Variants in CHAMP1 observed in about 807,000 individuals in gnomAD.
CHAMP1 encodes the protein chromosome alignment-maintaining phosphoprotein 1.
Under a neutral mutation model 54.5 loss-of-function variants are expected in CHAMP1, and 4 were observed. That is an observed-to-expected ratio of 0.07 (90% confidence interval 0.04 to 0.17). The LOEUF is 0.17. Ranked by LOEUF, CHAMP1 falls within the 10% of genes least tolerant of loss-of-function variation. The probability of loss-of-function intolerance (pLI) is 1.00; values close to 1 mark genes in which losing one functional copy is unlikely to be tolerated. For synonymous variants in CHAMP1, 368 were observed against 342.2 expected (o/e 1.08, Z -0.83); for missense variants, 994 against 968.6 (o/e 1.03, Z -0.35).
chr13:114,318,294 A>C (rs971547577), intron 1 of CHAMP1, among the ~76,000 whole-genome samples: 1 of 150,584 alleles, frequency 6.6e-6, no homozygotes, highest in African/African-American at 2.4e-5. Context: ...AGATCCTTCT[A>C]GTCCTATGCT....
At position 114,326,017 on chromosome 13, in the gene CHAMP1, G is replaced by A. The variant is rs915085355; in HGVS notation, c.2175G>A (p.Leu725=). ...GTGCTATGAAAAAAGGTGCTGTTTT[G>A]CATCATTTGGTTAATAAGCATAATG... is the stretch of plus-strand genomic sequence containing the variant. ...CCRAMKKGAV[L]HHLVNKHNVH... The change falls in exon 3 of 3, where the codon TTG becomes TTA. Residue 725 remains leucine (L), a synonymous_variant. Transcript: ENST00000361283. 1 of 1,614,082 alleles carries A rather than the reference G, an allele frequency of 6.2e-7. No homozygotes were observed. Among genetic ancestry groups the A allele is most frequent in the Non-Finnish European group, 8.5e-7 (1 of 1,180,024 alleles).
chr13:114,325,424 C>G lies in CHAMP1; in HGVS notation c.1582C>G (p.Pro528Ala). Residue 528 changes from proline to alanine, a missense_variant, in exon 3 of 3, where the codon CCT (proline) becomes GCT (alanine). Pro to Ala is a conservative substitution (Grantham distance 27, BLOSUM62 -1). This residue lies in a region of CHAMP1 where 851 missense variants were observed against 701.3 expected (regional missense o/e 1.21). Coordinates refer to ENST00000361283, the MANE Select transcript of CHAMP1 (RefSeq NM_032436.4). ...VLSIDTEPRK[P>A]ALFPEPAKTA... ...CTCTATCGATACTGAGCCTAGAAAA[C>G]CTGCCCTGTTTCCCGAGCCTGCCAA... The G allele has an allele frequency of 1.2e-6, 2 of 1,614,094 alleles. No individual in the cohort carries two copies. The highest frequency in any genetic ancestry group is 1.7e-6 in the Non-Finnish European group (2 of 1,180,022).
Position 114,325,795 on chromosome 13 carries a change from A to C in CHAMP1, c.1953A>C (p.Ser651=). 6.2e-7 allele frequency: 1 copy of C among 1,614,226 alleles called. No individual in the cohort carries two copies. The highest frequency in any genetic ancestry group is 1.3e-5 in the African/African-American group (1 of 75,062). Residue 651 remains serine (S), a synonymous_variant, in exon 3 of 3, where the codon TCA becomes TCC. Coordinates refer to ENST00000361283, the MANE Select transcript of CHAMP1 (RefSeq NM_032436.4). Reference sequence around the variant, plus strand: ...CGATGGATATTAAGGGCCAGGAATCAAGCAGTGATCAAGAGCAGGTTGATG... The same window carrying C: ...CGATGGATATTAAGGGCCAGGAATCCAGCAGTGATCAAGAGCAGGTTGATG... ...LDAMDIKGQE[S]SSDQEQVDVE...
rs782462629 is a variant in CHAMP1 at position 114,325,830 on chromosome 13, T to G, written c.1988T>G (p.Ile663Ser). 1 of 1,614,174 alleles carries G rather than the reference T, an allele frequency of 6.2e-7. No individual in the cohort carries two copies. The highest frequency in any genetic ancestry group is 2.2e-5 in the East Asian group (1 of 44,878). ...CAAGAGCAGGTTGATGTGGAATCCA[T>G]TGATTTTAGCAAAGAGAACAAAATG... ...SDQEQVDVES[I>S]DFSKENKMDM... Residue 663 changes from isoleucine to serine, a missense_variant, in exon 3 of 3, where the codon ATT (isoleucine) becomes AGT (serine). This residue lies in a region of CHAMP1 where 851 missense variants were observed against 701.3 expected (regional missense o/e 1.21). Transcript: ENST00000361283.
In CHAMP1 at chr13:114,324,431, C is replaced by G. The variant is rs1479801393; in HGVS notation, c.589C>G (p.Gln197Glu). ...PPKSVPVCESQKLAPVPSPEP... is the reference protein window; with the variant it reads ...PPKSVPVCESEKLAPVPSPEP... ...AAAATCAGTCCCTGTTTGTGAGTCT[C>G]AGAAACTTGCCCCTGTTCCTTCTCC... The change falls in exon 3 of 3, where the codon CAG becomes GAG. Residue 197 changes from glutamine to glutamate, a missense_variant. By Grantham distance (29) the Gln-to-Glu change is conservative (BLOSUM62 2). Coordinates refer to ENST00000361283, the MANE Select transcript of CHAMP1 (RefSeq NM_032436.4). The G allele has an allele frequency of 6.2e-7, 1 of 1,614,172 alleles. No individual in the cohort carries two copies. Among genetic ancestry groups the G allele is most frequent in the Non-Finnish European group, 8.5e-7 (1 of 1,180,034 alleles).
At chr13:114,316,470 G>A (rs556257505) in intron 1 of CHAMP1, among the ~76,000 whole-genome samples, 57 of 151,628 alleles carry the variant, frequency 3.8e-4, no homozygotes, top group Non-Finnish European at 5.9e-4. Context: ...CGCGCCTGTA[G>A]TCCCAGCTAC....
In CHAMP1 at chr13:114,325,146, G is replaced by T. The variant is rs374334158; in HGVS notation, c.1304G>T (p.Gly435Val). The change falls in exon 3 of 3, where the codon GGA (glycine) becomes GTA (valine). Residue 435 changes from glycine (G) to valine (V), a missense_variant. Physicochemically the swap from Gly to Val is moderately radical, Grantham distance 109. This residue lies in a region of CHAMP1 where 851 missense variants were observed against 701.3 expected (regional missense o/e 1.21). Coordinates refer to ENST00000361283, the MANE Select transcript of CHAMP1 (RefSeq NM_032436.4). ...TCCCCAGAGATCCGTAGTCCAGCAGGATCTCCAGAGCTCAGAAAACCCTCA... is the reference window on the plus strand; with the variant it reads ...TCCCCAGAGATCCGTAGTCCAGCAGTATCTCCAGAGCTCAGAAAACCCTCA... ...PLSPEIRSPAGSPELRKPSGS... is the reference protein window; with the variant it reads ...PLSPEIRSPAVSPELRKPSGS... 16 of 1,614,012 alleles carry T rather than the reference G, an allele frequency of 9.9e-6. No individual in the cohort carries two copies. Among genetic ancestry groups the T allele is most frequent in the Non-Finnish European group, 8.5e-6 (10 of 1,180,044 alleles).
intron 1 of CHAMP1, among the ~76,000 whole-genome samples, chr13:114,319,145 G>C (rs2087138642): frequency 6.6e-6 from 1 of 152,104 alleles, no homozygotes; most frequent in Non-Finnish European, 1.5e-5. Context: ...AACCTGGACA[G>C]ATAGCAGAAC....
intron 1 of CHAMP1, among the ~76,000 whole-genome samples, chr13:114,315,925 C>G (rs1302075984): frequency 1.3e-5 from 2 of 151,514 alleles, no homozygotes; most frequent in Non-Finnish European, 2.9e-5. Flanking sequence ...CAACCTCCGC[C>G]CCCTGGGTTC....
At position 114,327,071 on chromosome 13, in the gene CHAMP1, G is replaced by C. The variant is rs1478252814; in HGVS notation, c.*790G>C. On this transcript the variant is annotated 3_prime_UTR_variant, in exon 3 of 3. Transcript: ENST00000361283. ...ATTCTTAATTGCCAAATGTGTTAGA[G>C]TTTGTATATCCTACTCCTGGGCCTT... 2 of 158,688 alleles carry C rather than the reference G, an allele frequency of 1.3e-5. No homozygotes were observed. Among genetic ancestry groups the C allele is most frequent in the Non-Finnish European group, 3.0e-5 (2 of 67,368 alleles). 9.8% of individuals were successfully genotyped at this position (158,688 alleles called of 1,614,324 possible). A position where few individuals can be genotyped will look rare whatever the true frequency, so the allele number is the denominator to read the frequency against.
chr13:114,319,143 C>A (rs1037187933), intron 1 of CHAMP1, among the ~76,000 whole-genome samples: 6 of 152,042 alleles, frequency 3.9e-5, no homozygotes, highest in Admixed American at 6.6e-5. Context: ...AGAACCTGGA[C>A]AGATAGCAGA....
At chr13:114,318,672 C>T (rs916236092) in intron 1 of CHAMP1, among the ~76,000 whole-genome samples, 1 of 151,952 alleles carries the variant, frequency 6.6e-6, no homozygotes, top group Non-Finnish European at 1.5e-5. Context: ...CAAAGGAACT[C>T]GTTCTAGTTC....
In CHAMP1 at chr13:114,324,801, C is replaced by T. The variant is rs782539354; in HGVS notation, c.959C>T (p.Pro320Leu). The T allele has an allele frequency of 1.9e-6, 3 of 1,614,098 alleles. No homozygotes were observed. Among genetic ancestry groups the T allele is most frequent in the African/African-American group, 2.7e-5 (2 of 75,042 alleles). The change falls in exon 3 of 3, where the codon CCT (proline) becomes CTT (leucine). Residue 320 changes from proline (P) to leucine (L), a missense_variant. Pro to Leu is a moderately conservative substitution (Grantham distance 98, BLOSUM62 -3). This residue lies in a region of CHAMP1 where 851 missense variants were observed against 701.3 expected (regional missense o/e 1.21). Transcript: ENST00000361283. Reference protein sequence around the residue: ...GSWKPGPPGSPRPWKSNPSAS... With the variant: ...GSWKPGPPGSLRPWKSNPSAS... Reference sequence around the variant, plus strand: ...TGGAAACCAGGGCCACCTGGGTCCCCTAGGCCTTGGAAATCCAATCCTTCA... The same window carrying T: ...TGGAAACCAGGGCCACCTGGGTCCCTTAGGCCTTGGAAATCCAATCCTTCA...
In CHAMP1 at chr13:114,324,507, T is replaced by G; in HGVS notation, c.665T>G (p.Leu222Arg). ...PVSPESVKAT[L>R]SNPKPQKQSH... ...TCTCCTGAGTCAGTAAAGGCTACTC[T>G]TAGTAATCCCAAACCCCAGAAGCAG... Residue 222 changes from leucine to arginine, a missense_variant, in exon 3 of 3, where the codon CTT (leucine) becomes CGT (arginine). Leu to Arg is a moderately radical substitution (Grantham distance 102). Around this residue, in one of 3 missense-constraint regions of CHAMP1, gnomAD observed 851 missense variants for 701.3 expected, o/e 1.21. Coordinates refer to ENST00000361283, the MANE Select transcript of CHAMP1 (RefSeq NM_032436.4). 1.9e-6 allele frequency: 3 copies of G among 1,614,056 alleles called. No homozygotes were observed. The highest frequency in any genetic ancestry group is 2.5e-6 in the Non-Finnish European group (3 of 1,180,004).
rs1404820581 is a variant in CHAMP1 at position 114,315,897 on chromosome 13, C to T, written c.-179+1254C>T. ...CGTTGCCCAGGCTGGAGTGCAATGGCCCGACCTTGGCTCACTGCAACCTCC... is the reference window on the plus strand; with the variant it reads ...CGTTGCCCAGGCTGGAGTGCAATGGTCCGACCTTGGCTCACTGCAACCTCC... On this transcript the variant is annotated intron_variant, in intron 1 of 2. Coordinates refer to ENST00000361283, the MANE Select transcript of CHAMP1 (RefSeq NM_032436.4). 3.5e-5 allele frequency among the ~76,000 whole-genome samples: 5 copies of T among 143,684 alleles called. No homozygotes were observed. The Admixed American group carries it at 3.6e-4, about 10-fold the overall frequency. 94.3% of individuals were successfully genotyped at this position (143,684 alleles called of 152,430 possible).
chr13:114,318,448 C>T (rs1425862373), intron 1 of CHAMP1, among the ~76,000 whole-genome samples: 1 of 151,962 alleles, frequency 6.6e-6, no homozygotes, highest in East Asian at 1.9e-4. Context: ...CTCAGGCTCC[C>T]GAGTAGCTGG....
intron 1 of CHAMP1, among the ~76,000 whole-genome samples, chr13:114,320,202 C>A (rs1390957607): frequency 6.6e-6 from 1 of 152,130 alleles, no homozygotes; most frequent in African/African-American, 2.4e-5. Flanking sequence ...GTAGCTTGTG[C>A]ATGGCCAGTT....
chr13:114,326,226 C>G lies in CHAMP1; in HGVS notation c.2384C>G (p.Ala795Gly), dbSNP rs1555380002. 1.3e-6 allele frequency: 2 copies of G among 1,594,640 alleles called. No homozygotes were observed. The highest frequency in any genetic ancestry group is 1.8e-5 in the Admixed American group (1 of 56,108). ...THCQSRHNEE[A>G]NKKLMEALEP... ...TGTCAAAGCCGGCATAATGAAGAGG[C>G]AAATAAAAAGCTAATGGAAGCTCTT... is the stretch of plus-strand genomic sequence containing the variant. Residue 795 changes from alanine (A) to glycine (G), a missense_variant, in exon 3 of 3, where the codon GCA (alanine) becomes GGA (glycine). Ala to Gly is a moderately conservative substitution (Grantham distance 60, BLOSUM62 0). Around this residue, in one of 3 missense-constraint regions of CHAMP1, gnomAD observed 59 missense variants for 146.7 expected, o/e 0.40. Coordinates refer to ENST00000361283, the MANE Select transcript of CHAMP1 (RefSeq NM_032436.4).
At chr13:114,320,727 C>T (rs969455452) in intron 1 of CHAMP1, among the ~76,000 whole-genome samples, 7 of 152,054 alleles carry the variant, frequency 4.6e-5, no homozygotes, top group Admixed American at 6.5e-5. Context: ...GAGGCCGAGG[C>T]GGGCGGATCA....
Sources: gnomAD v4.1 joint callset for allele counts (sites outside exome capture counted in the v4.1 genomes callset) on GRCh38, gnomAD v4.1.1 for gene constraint, gnomAD v4.1.1 regional missense constraint, MANE v1.5 for transcripts, NCBI Gene and HGNC (gene_info 2026-07-23, HGNC 2026-07-21) for gene names.